The following SYNPO2 variants were observed in gnomAD, a reference collection of about 807,000 sequenced individuals.
SYNPO2 encodes synaptopodin 2, also known as synaptopodin-2.
A neutral mutation model predicts 85.0 loss-of-function variants in SYNPO2; 56 were observed. The observed-to-expected ratio is 0.66, with a 90% confidence interval of 0.53 to 0.82. The LOEUF (loss-of-function observed/expected upper bound fraction) is 0.82, where lower values mean the gene tolerates loss of function less well. SYNPO2 is among the 40% of genes least tolerant of loss of function. The probability of loss-of-function intolerance (pLI) is 0.00; values close to 1 mark genes in which losing one functional copy is unlikely to be tolerated. For synonymous variants in SYNPO2, 602 were observed against 591.1 expected, an observed-to-expected ratio of 1.02 and a Z score of -0.27; for missense variants, 1,575 against 1,534.2, an observed-to-expected ratio of 1.03 and a Z score of -0.44.
intron 1 of SYNPO2, among the ~76,000 whole-genome samples, chr4:118,997,661 T>C (rs1246414452): frequency 6.6e-6 from 1 of 152,210 alleles, no homozygotes; most frequent in African/African-American, 2.4e-5. Flanking sequence ...ACCTCTGCAG[T>C]TGAATGCACC....
In SYNPO2 at chr4:119,058,099, T is replaced by A. The variant is rs1739276006; in HGVS notation, c.*165T>A. ...TTCTGTGTGTGTGTGTGTGTGTGTA[T>A]GTATGTGAATATACACACACACACA... is the stretch of plus-strand genomic sequence containing the variant. On this transcript the variant is annotated 3_prime_UTR_variant, in exon 5 of 5. Coordinates refer to ENST00000307142, the MANE Select transcript of SYNPO2 (RefSeq NM_133477.3). 1.7e-6 allele frequency: 1 copy of A among 605,922 alleles called. No individual in the cohort carries two copies. Among genetic ancestry groups the A allele is most frequent in the East Asian group, 3.0e-5 (1 of 32,870 alleles). 37.5% of individuals were successfully genotyped at this position (605,922 alleles called of 1,614,324 possible).
chr4:119,026,173 TAGTTG>T (rs781554342), intron 2 of SYNPO2, among the ~76,000 whole-genome samples: 109 of 152,204 alleles, frequency 7.2e-4, no homozygotes, highest in Non-Finnish European at 9.4e-4. Flanking sequence ...CTAAAAGGAC[TAGTTG>T]AGTTATCTGT....
chr4:118,962,656 T>G (rs1735145964), intron 1 of SYNPO2, among the ~76,000 whole-genome samples: 1 of 152,156 alleles, frequency 6.6e-6, no homozygotes, highest in African/African-American at 2.4e-5. Flanking sequence ...TCCCCTTTCA[T>G]CATGTGTTGA....
chr4:119,012,851 G>A (rs1458663912), intron 1 of SYNPO2, among the ~76,000 whole-genome samples: 1 of 152,088 alleles, frequency 6.6e-6, no homozygotes, highest in African/African-American at 2.4e-5. Flanking sequence ...GCAGCACATT[G>A]TTCTTAAAAG....
At chr4:118,858,446 T>C (rs1731547538) in intron 1 of SYNPO2, among the ~76,000 whole-genome samples, 2 of 152,216 alleles carry the variant, frequency 1.3e-5, no homozygotes, top group African/African-American at 4.8e-5. Context: ...CCTGTTTTGT[T>C]CTTTTATTTT....
chr4:118,868,405 T>G (rs1160144975), intron 1 of SYNPO2, among the ~76,000 whole-genome samples: 1 of 152,170 alleles, frequency 6.6e-6, no homozygotes, highest in African/African-American at 2.4e-5. Flanking sequence ...GGTTAATGGA[T>G]GCCTTTCAAA....
chr4:119,030,041 C>G lies in SYNPO2; in HGVS notation c.1266C>G (p.Asp422Glu), dbSNP rs373389205. The change falls in exon 4 of 5, where the codon GAC becomes GAG. Residue 422 changes from aspartate to glutamate, a missense_variant. Physicochemically the swap from Asp to Glu is conservative, Grantham distance 45. Coordinates refer to ENST00000307142, the MANE Select transcript of SYNPO2 (RefSeq NM_133477.3). ...CTGGCGAGCTTGAGCGAGAGGCGGACGAGGAGGAAGAAGGTGACAAGGAGG... is the reference window on the plus strand; with the variant it reads ...CTGGCGAGCTTGAGCGAGAGGCGGAGGAGGAGGAAGAAGGTGACAAGGAGG... ...YGTGELEREA[D>E]EEEEGDKEDT... 2.5e-6 allele frequency: 4 copies of G among 1,613,680 alleles called. No individual in the cohort carries two copies. The highest frequency in any genetic ancestry group is 3.4e-6 in the Non-Finnish European group (4 of 1,179,954).
chr4:119,006,616 A>G (rs2149175972), intron 1 of SYNPO2, among the ~76,000 whole-genome samples: 1 of 152,344 alleles, frequency 6.6e-6, no homozygotes. Flanking sequence ...ACTAATAAAG[A>G]TCTGGTAAGC....
rs376467151 is a variant in SYNPO2 at position 118,900,663 on chromosome 4, TTCTCTCTCTCTCTCTCTCTCTC to T, written c.105+11542_105+11563del. ...TTTGTAATCTTACCCTAGAATCTCTTTCTCTCTCTCTCTCTCTCTCTCTCTCTCTCTCTCTCTCTCTATATAT... is the reference window on the plus strand; with the variant it reads ...TTTGTAATCTTACCCTAGAATCTCTTTCTCTCTCTCTCTCTCTCTATATAT... On this transcript the variant is annotated intron_variant, in intron 1 of 4. Transcript: ENST00000307142. Among the ~76,000 whole-genome samples the T allele has an allele frequency of 3.0e-3, 231 of 77,546 alleles. 3 individuals carry two copies. The highest frequency in any genetic ancestry group is 0.011 in the African/African-American group (218 of 18,964). The allele number at this position is 77,546 out of a possible 152,430, so 50.9% of individuals were successfully genotyped here.
intron 4 of SYNPO2, among the ~76,000 whole-genome samples, chr4:119,050,869 A>G (rs1739017266): frequency 2.0e-5 from 3 of 152,206 alleles, no homozygotes; most frequent in Non-Finnish European, 4.4e-5. Flanking sequence ...ATGGTCCCGC[A>G]GTCATTTTGA....
rs1353769990 is a variant in SYNPO2, at chr4:118,992,195, G to GT, written c.106-31229dup. Among the ~76,000 whole-genome samples the GT allele has an allele frequency of 9.2e-5, 14 of 152,278 alleles. No individual in the cohort carries two copies. The South Asian group carries it at 2.5e-3, about 27-fold the overall frequency. ...TGTTTATAGGCAAGACTCTACACAG[G>GT]TTTTTTATGTGGAAGGGTGGATGCA... is the stretch of plus-strand genomic sequence containing the variant. On this transcript the variant is annotated intron_variant, in intron 1 of 4. Transcript: ENST00000307142.
chr4:119,044,028 C>T (rs186172693), intron 4 of SYNPO2: 23 of 148,534 alleles, frequency 1.5e-4, no homozygotes, highest in Non-Finnish European at 3.4e-4. Context: ...AGTATTTGAT[C>T]TCTAATTTCG....
At chr4:119,013,364 A>G (rs533063122) in intron 1 of SYNPO2, among the ~76,000 whole-genome samples, 1 of 152,332 alleles carries the variant, frequency 6.6e-6, no homozygotes, top group South Asian at 2.1e-4. Flanking sequence ...AAAAGTACAT[A>G]TAAAGCACTT....
intron 1 of SYNPO2, among the ~76,000 whole-genome samples, chr4:118,900,701 C>CTATATATATATA (rs1194269230): frequency 9.2e-4 from 25 of 27,200 alleles, no homozygotes; most frequent in East Asian, 3.4e-3. Context: ...CTCTCTCTCT[C>CTATATATATATA]TCTATATATA....
intron 1 of SYNPO2, among the ~76,000 whole-genome samples, chr4:118,917,299 G>A (rs1395651118): frequency 1.3e-5 from 2 of 152,108 alleles, no homozygotes; most frequent in Non-Finnish European, 1.5e-5. Flanking sequence ...AGGCTGACAG[G>A]AGAATCGCTT....
Position 118,906,945 on chromosome 4 carries a change from C to G in SYNPO2, c.105+17804C>G, listed in dbSNP as rs1383314707. ...ACCTCAGCCTCCTAAGTAGCTAGGACCACAGGTGTGTGCCACCACACCCAG... is the reference window on the plus strand; with the variant it reads ...ACCTCAGCCTCCTAAGTAGCTAGGAGCACAGGTGTGTGCCACCACACCCAG... On this transcript the variant is annotated intron_variant, in intron 1 of 4. Transcript: ENST00000307142. Among the ~76,000 whole-genome samples, 5 of 151,840 alleles carry G rather than the reference C, an allele frequency of 3.3e-5. No homozygotes were observed. The East Asian group carries it at 9.6e-4, about 29-fold the overall frequency.
chr4:119,037,036 T>C (rs940323920), intron 4 of SYNPO2: 7 of 1,407,924 alleles, frequency 5.0e-6, no homozygotes, highest in African/African-American at 4.4e-5. Flanking sequence ...TGGTTCCAAA[T>C]GTAAAGCTCC....
At chr4:118,931,725 G>A (rs545865975) in intron 1 of SYNPO2, among the ~76,000 whole-genome samples, 1 of 152,136 alleles carries the variant, frequency 6.6e-6, no homozygotes, top group African/African-American at 2.4e-5. Context: ...CTACCGACCT[G>A]TATACAATTA....
chr4:118,879,824 G>C (rs114408822), intron 1 of SYNPO2, among the ~76,000 whole-genome samples: 3,346 of 152,134 alleles, frequency 0.022, 124 homozygotes, highest in African/African-American at 0.073. Context: ...TGTGGCTGAA[G>C]AATGTTGGCG....
Sources: allele counts gnomAD v4.1 joint callset (sites outside exome capture counted in the v4.1 genomes callset), GRCh38; gene constraint gnomAD v4.1.1; transcripts MANE v1.5; gene names NCBI Gene and HGNC (gene_info 2026-07-23, HGNC 2026-07-21).